The following KIF26A variants were observed in gnomAD, a reference collection of about 807,000 sequenced individuals.
The protein encoded by KIF26A is kinesin family member 26A, also known as kinesin-like protein KIF26A.
A neutral mutation model predicts 126.0 loss-of-function variants in KIF26A; 74 were observed. The ratio of observed to expected loss-of-function variants is 0.59; its 90% CI spans 0.49 to 0.71. The LOEUF is 0.71. Among genes scored for constraint, KIF26A ranks in the 30% least tolerant of loss-of-function variants. KIF26A has a pLI of 0.00. For missense variants in KIF26A, 2,984 were observed against 2,763.3 expected (o/e 1.08, Z -1.79); for synonymous variants, 1,445 against 1,232.7 (o/e 1.17, Z -3.61).
Position 104,174,892 on chromosome 14 carries a change from G to C in KIF26A, c.2194-90G>C, listed in dbSNP as rs771399653. The C allele has an allele frequency of 3.8e-6, 5 of 1,321,984 alleles. No individual in the cohort carries two copies. The South Asian group carries it at 4.6e-5, about 12-fold the overall frequency. 81.9% of individuals were successfully genotyped at this position (1,321,984 alleles called of 1,614,324 possible). On this transcript the variant is annotated intron_variant, in intron 11 of 14. Coordinates refer to ENST00000423312, the MANE Select transcript of KIF26A (RefSeq NM_015656.2). ...TGCTGTAGTTTTCATCACAGTGACC[G>C]CAGCATTGGCCCTGTGCTCTGGGGA... is the stretch of plus-strand genomic sequence containing the variant.
Position 104,171,169 on chromosome 14 carries a change from C to A in KIF26A, c.1114-554C>A, listed in dbSNP as rs28645757. On this transcript the variant is annotated intron_variant, in intron 5 of 14. Transcript: ENST00000423312. ...CCCCTGCTTTCTGCTGACTCTAGTC[C>A]GGCAGGCCACAGGGTGCCAGGGTTC... 8.3e-3 allele frequency among the ~76,000 whole-genome samples: 1,260 copies of A among 152,360 alleles called. 20 individuals carry two copies. Among genetic ancestry groups the A allele is most frequent in the African/African-American group, 0.029 (1,209 of 41,592 alleles).
intron 4 of KIF26A, among the ~76,000 whole-genome samples, chr14:104,158,522 C>A (rs140912601): frequency 5.9e-4 from 90 of 152,302 alleles, no homozygotes; most frequent in African/African-American, 2.1e-3. Context: ...GTTGGCAGGT[C>A]CAGCTCCACC....
chr14:104,143,157 C>T (rs2037651801), intron 2 of KIF26A, among the ~76,000 whole-genome samples: 1 of 152,258 alleles, frequency 6.6e-6, no homozygotes, highest in Non-Finnish European at 1.5e-5. Context: ...CCGTGCATCT[C>T]TTGCTTATCC....
chr14:104,173,464 C>T lies in KIF26A; in HGVS notation c.1818C>T (p.Phe606=). The stretch of plus-strand genomic sequence containing the variant: ...CCCGACGCAGCTCCCACATGTTGTT[C>T]ACGCTGCACGTCTACCAGTACCGCA... ...EDARRSSHML[F]TLHVYQYRME... The change falls in exon 9 of 15, where the codon TTC becomes TTT. Residue 606 remains phenylalanine, a synonymous_variant. Transcript: ENST00000423312. 6.3e-7 allele frequency: 1 copy of T among 1,587,294 alleles called. No homozygotes were observed. Among genetic ancestry groups the T allele is most frequent in the Admixed American group, 1.7e-5 (1 of 57,610 alleles).
intron 5 of KIF26A, among the ~76,000 whole-genome samples, chr14:104,167,454 G>A (rs544993092): frequency 2.0e-4 from 30 of 152,204 alleles, no homozygotes; most frequent in East Asian, 7.7e-4. Flanking sequence ...GTGTGCAGGC[G>A]GGCCCCTGCC....
chr14:104,174,155 A>C lies in KIF26A; in HGVS notation c.2038A>C (p.Arg680=). The change falls in exon 11 of 15, where the codon AGG becomes CGG. Residue 680 remains arginine, a synonymous_variant. Transcript: ENST00000423312. The part of the protein sequence containing the change: ...GAKHVPYRDH[R]LTMLLRESLA... ...AACCGCCTCGACCCGCAGGGACCAC[A>C]GGCTCACCATGCTGCTGCGTGAATC... 1 of 1,572,942 alleles carries C rather than the reference A, an allele frequency of 6.4e-7. No homozygotes were observed. The highest frequency in any genetic ancestry group is 8.6e-7 in the Non-Finnish European group (1 of 1,156,760).
In KIF26A at chr14:104,176,575, C is replaced by T. The variant is rs773014557; in HGVS notation, c.3787C>T (p.Pro1263Ser). 6.6e-5 allele frequency: 106 copies of T among 1,607,740 alleles called. No homozygotes were observed. Among genetic ancestry groups the T allele is most frequent in the Non-Finnish European group, 8.8e-5 (104 of 1,179,698 alleles). ...AGCTTCTGCTGGCAGGGCCCCCAGC[C>T]CCACACTTGGCTCCCCCCGGCTGCC... ...QAASAGRAPS[P>S]TLGSPRLPEA... The change falls in exon 12 of 15, where the codon CCC (proline) becomes TCC (serine). Residue 1263 changes from proline (P) to serine (S), a missense_variant. Physicochemically the swap from Pro to Ser is moderately conservative, Grantham distance 74. Coordinates refer to ENST00000423312, the MANE Select transcript of KIF26A (RefSeq NM_015656.2).
chr14:104,160,621 C>T (rs886616007), intron 4 of KIF26A, among the ~76,000 whole-genome samples: 3 of 152,052 alleles, frequency 2.0e-5, no homozygotes, highest in East Asian at 1.9e-4. Flanking sequence ...CGGGTGGCCC[C>T]GGGGTTAGGA....
intron 4 of KIF26A, among the ~76,000 whole-genome samples, chr14:104,165,932 T>G (rs1162667516): frequency 6.6e-6 from 1 of 151,424 alleles, no homozygotes; most frequent in Non-Finnish European, 1.5e-5. Context: ...TGGCCTCCCC[T>G]GGAGGGTGTG....
At chr14:104,158,799 C>T (rs1367142861) in intron 4 of KIF26A, among the ~76,000 whole-genome samples, 7 of 152,182 alleles carry the variant, frequency 4.6e-5, no homozygotes, top group African/African-American at 1.4e-4. Context: ...GGGCCCTTCC[C>T]GGCAGGGCCT....
In KIF26A at chr14:104,175,955, G is replaced by T; in HGVS notation, c.3167G>T (p.Ser1056Ile). ...GCTGGGCGGCCCACCAGCCTGGCTA[G>T]CTTCGACAGTGACTGCTCCCTGCGG... ...AGAGRPTSLA[S>I]FDSDCSLRAL... The change falls in exon 12 of 15, where the codon AGC becomes ATC. Residue 1056 changes from serine (S) to isoleucine (I), a missense_variant. Ser to Ile is a moderately radical substitution (Grantham distance 142). Transcript: ENST00000423312. 1.3e-6 allele frequency: 2 copies of T among 1,567,512 alleles called. No individual in the cohort carries two copies. The highest frequency in any genetic ancestry group is 1.7e-6 in the Non-Finnish European group (2 of 1,163,034).
chr14:104,156,609 A>G (rs1394886355), intron 3 of KIF26A, among the ~76,000 whole-genome samples: 1 of 137,050 alleles, frequency 7.3e-6, no homozygotes, highest in African/African-American at 2.9e-5. Flanking sequence ...TGGGTTGGGC[A>G]GGGTGAGCCG....
rs1251569938 is a variant in KIF26A, at chr14:104,151,517, G to C, written c.289-498G>C. 6.6e-6 allele frequency among the ~76,000 whole-genome samples: 1 copy of C among 152,242 alleles called. No homozygotes were observed. The highest frequency in any genetic ancestry group is 2.4e-5 in the African/African-American group (1 of 41,462). Reference sequence around the variant, plus strand: ...CGCTTCTGTTGACACCTTTACAGCAGCACTGATTTGATTTTCCACCTGCCC... The same window carrying C: ...CGCTTCTGTTGACACCTTTACAGCACCACTGATTTGATTTTCCACCTGCCC... On this transcript the variant is annotated intron_variant, in intron 2 of 14. Transcript: ENST00000423312. The surrounding 1 kb of genome is among the most constrained non-coding windows in gnomAD (Gnocchi z 4.9).
chr14:104,176,835 G>A lies in KIF26A; in HGVS notation c.4047G>A (p.Lys1349=), dbSNP rs894013924. The A allele has an allele frequency of 6.5e-7, 1 of 1,548,936 alleles. No homozygotes were observed. The highest frequency in any genetic ancestry group is 8.7e-7 in the Non-Finnish European group (1 of 1,147,762). The change falls in exon 12 of 15, where the codon AAG becomes AAA. Residue 1349 remains lysine (K), a synonymous_variant. Coordinates refer to ENST00000423312, the MANE Select transcript of KIF26A (RefSeq NM_015656.2). ...CCAGCAAGAAGGGTCTGGCTCCCAA[G>A]GCGGGCTTCCTCCCGAGGCCCAGTG... ...SPTSKKGLAP[K]AGFLPRPSGA...
In KIF26A at chr14:104,152,166, C is replaced by T; in HGVS notation, c.440C>T (p.Ala147Val). 6.2e-7 allele frequency: 1 copy of T among 1,609,882 alleles called. No individual in the cohort carries two copies. The highest frequency in any genetic ancestry group is 8.5e-7 in the Non-Finnish European group (1 of 1,179,064). ...GCCATGCACCTGCTGCAGGCCCCTG[C>T]CAGCCATGAGGACCTTGACGCCCCC... is the stretch of plus-strand genomic sequence containing the variant. ...REAMHLLQAP[A>V]SHEDLDAPHG... is the part of the protein sequence containing the mutation. Residue 147 changes from alanine (A) to valine (V), a missense_variant, in exon 3 of 15, where the codon GCC becomes GTC. Coordinates refer to ENST00000423312, the MANE Select transcript of KIF26A (RefSeq NM_015656.2). This position sits in a 1 kb window ranked among gnomAD's most constrained non-coding sequence, Gnocchi z 5.9.
Position 104,151,964 on chromosome 14 carries a change from G to T in KIF26A, c.289-51G>T. The T allele has an allele frequency of 6.4e-7, 1 of 1,559,440 alleles. No individual in the cohort carries two copies. The highest frequency in any genetic ancestry group is 8.8e-7 in the Non-Finnish European group (1 of 1,132,490). On this transcript the variant is annotated intron_variant, in intron 2 of 14. Transcript: ENST00000423312. This position sits in a 1 kb window ranked among gnomAD's most constrained non-coding sequence, Gnocchi z 4.9. The stretch of plus-strand genomic sequence containing the variant: ...AGAGTGCTGGTGGGCTCTGGGTGCC[G>T]GCCCTCCCTCCCCAGGCACTGACCC...
At chr14:104,172,059 G>GCTGCCTGCGGCGC (rs2141114201) in intron 6 of KIF26A, 124 bp downstream of exon 6, 2 of 907,928 alleles carry the variant, frequency 2.2e-6, no homozygotes, top group East Asian at 2.7e-5. Flanking sequence ...CGAGGGGCCC[G>GCTGCCTGCGGCGC]CTGCCTGCGG....
intron 4 of KIF26A, 41 bp downstream of exon 4, chr14:104,157,983 C>T (rs1258487431): frequency 1.4e-6 from 2 of 1,459,500 alleles, no homozygotes; most frequent in Non-Finnish European, 1.8e-6. Flanking sequence ...TGGGCAGGGC[C>T]CCATGGCCCC....
At position 104,139,202 on chromosome 14, in the gene KIF26A, GGCTGGTGCCGCCACTGCCACACGAA is replaced by G; in HGVS notation, c.210_234del (p.Cys70TrpfsTer130). The G allele has an allele frequency of 6.5e-7, 1 of 1,549,492 alleles. No individual in the cohort carries two copies. Among genetic ancestry groups the G allele is most frequent in the Non-Finnish European group, 8.7e-7 (1 of 1,148,338 alleles). ...GCAGGGCCACTCGGCCGGCGGAGGC[GGCTGGTGCCGCCACTGCCACACGAA>G]GCTGGTGGAGCTCAAGCGACAGGCG... On this transcript the variant is annotated frameshift_variant, in exon 2 of 15. Transcript: ENST00000423312. LOFTEE classifies it high-confidence loss of function.
Sources: gnomAD v4.1 joint callset for allele counts (sites outside exome capture counted in the v4.1 genomes callset) on GRCh38, gnomAD v4.1.1 for gene constraint, Gnocchi (gnomAD v3.1) non-coding constraint, MANE v1.5 for transcripts, NCBI Gene and HGNC (gene_info 2026-07-23, HGNC 2026-07-21) for gene names.